Variants in ATP13A3 observed in about 807,000 individuals in gnomAD.
The protein encoded by ATP13A3 is polyamine-transporting ATPase 13A3.
ATP13A3 carries 59 observed loss-of-function variants against 158.1 expected under a neutral mutation model. The ratio of observed to expected loss-of-function variants is 0.37; its 90% CI spans 0.30 to 0.46. The LOEUF (loss-of-function observed/expected upper bound fraction) is 0.46. Among genes scored for constraint, ATP13A3 ranks in the 20% least tolerant of loss-of-function variants. ATP13A3 has a pLI of 1.00. For synonymous variants in ATP13A3, 491 were observed against 504.3 expected, an observed-to-expected ratio of 0.97 and a Z score of 0.35; for missense variants, 1,166 against 1,525.2, an observed-to-expected ratio of 0.76 and a Z score of 3.92.
chr3:194,430,046 A>T, intron 26 of ATP13A3, 26 bp downstream of exon 26: 1 of 1,568,470 alleles, frequency 6.4e-7, no homozygotes, highest in Non-Finnish European at 8.7e-7. Flanking sequence ...AGAAAAAGGG[A>T]TGAGAAAAAT....
At chr3:194,466,469 G>A (rs1367498878) in intron 2 of ATP13A3, among the ~76,000 whole-genome samples, 4 of 152,126 alleles carry the variant, frequency 2.6e-5, no homozygotes, top group Non-Finnish European at 5.9e-5. Context: ...TAAGCAACTT[G>A]ACACTGATAC....
rs750446658 is a variant in ATP13A3, at chr3:194,450,162, T to C, written c.953A>G (p.Asn318Ser). The C allele has an allele frequency of 4.3e-6, 7 of 1,613,756 alleles. No individual in the cohort carries two copies. The African/African-American group carries it at 8.0e-5, about 18-fold the overall frequency. The change falls in exon 11 of 34, where the codon AAC becomes AGC. Residue 318 changes from asparagine (N) to serine (S), a missense_variant. Physicochemically the swap from Asn to Ser is conservative, Grantham distance 46. This residue lies in a region of ATP13A3 where 997 missense variants were observed against 1,341.2 expected (regional missense o/e 0.74). Coordinates refer to ENST00000645319, the MANE Select transcript of ATP13A3 (RefSeq NM_001367549.1). ...TAGCTTACCTGTTAACATGCTTTCG[T>C]TTACAATGCAGGTACCATTAATAAG... is the stretch of plus-strand genomic sequence containing the variant. Reference protein sequence around the residue: ...AVLINGTCIVNESMLTGESVP... With the variant: ...AVLINGTCIVSESMLTGESVP...
intron 2 of ATP13A3, among the ~76,000 whole-genome samples, chr3:194,467,036 G>T (rs923535520): frequency 6.6e-6 from 1 of 152,124 alleles, no homozygotes; most frequent in Non-Finnish European, 1.5e-5. Flanking sequence ...GTTGGTTTTT[G>T]AATCTTACTC....
intron 2 of ATP13A3, among the ~76,000 whole-genome samples, chr3:194,480,761 G>A (rs912110099): frequency 6.6e-6 from 1 of 152,104 alleles, no homozygotes; most frequent in African/African-American, 2.4e-5. Context: ...TACACTCTGG[G>A]GGGAAGCAAC....
In ATP13A3 at chr3:194,405,947, C is replaced by T. The variant is rs1229332011; in HGVS notation, c.3743G>A (p.Gly1248Glu). 6.2e-7 allele frequency: 1 copy of T among 1,614,004 alleles called. No individual in the cohort carries two copies. The highest frequency in any genetic ancestry group is 2.2e-5 in the East Asian group (1 of 44,868). Reference protein sequence around the residue: ...TEAKALVKENGSCQIITIT With the variant: ...TEAKALVKENESCQIITIT ...TGTTATGGTGATGATTTGACATGAT[C>T]CATTCTCCTTAACTAAAGCTTTAGC... Residue 1248 changes from glycine to glutamate, a missense_variant, in exon 34 of 34, where the codon GGA becomes GAA. Physicochemically the swap from Gly to Glu is moderately conservative, Grantham distance 98. Transcript: ENST00000645319.
In ATP13A3 at chr3:194,494,249, C is replaced by T; in HGVS notation, n.547G>A. On this transcript the variant is annotated non_coding_transcript_exon_variant, in exon 2 of 33. Transcript: ENST00000687055. This position sits in a 1 kb window ranked among gnomAD's most constrained non-coding sequence, Gnocchi z 4.2. The stretch of plus-strand genomic sequence containing the variant: ...TCAGCCACATCTGGATCCTCAGCCC[C>T]TCACAGCACACAGCGGTAGTCAGAA... 2.5e-6 allele frequency: 1 copy of T among 398,670 alleles called. No homozygotes were observed. The highest frequency in any genetic ancestry group is 4.4e-6 in the Non-Finnish European group (1 of 226,114). The allele number at this position is 398,670 out of a possible 1,614,324, so 24.7% of individuals were successfully genotyped here. A position where few individuals can be genotyped will look rare whatever the true frequency, so the allele number is the denominator to read the frequency against.
At chr3:194,407,432 CA>C (rs1715015596) in intron 33 of ATP13A3, among the ~76,000 whole-genome samples, 1 of 152,092 alleles carries the variant, frequency 6.6e-6, no homozygotes, top group African/African-American at 2.4e-5. Flanking sequence ...TGGAGAAGAG[CA>C]AAAATACTTT....
chr3:194,442,516 G>A (rs1019843885), intron 15 of ATP13A3, among the ~76,000 whole-genome samples: 19 of 152,114 alleles, frequency 1.2e-4, no homozygotes, highest in Admixed American at 6.6e-5. Context: ...TGCAAAAAGG[G>A]CATTTTAAAA....
chr3:194,478,959 C>T (rs1335654437), intron 2 of ATP13A3, among the ~76,000 whole-genome samples: 1 of 152,052 alleles, frequency 6.6e-6, no homozygotes, highest in African/African-American at 2.4e-5. Context: ...ACCAAGAGGC[C>T]CTAACCAAGC....
At chr3:194,425,276 T>A (rs1395643194) in intron 30 of ATP13A3, 66 bp downstream of exon 30, 3 of 1,376,292 alleles carry the variant, frequency 2.2e-6, no homozygotes, top group South Asian at 1.3e-5. Context: ...CAGTTATAAT[T>A]ATTCTCTTCT....
In ATP13A3 at chr3:194,412,185, T is replaced by C. The variant is rs1715488302; in HGVS notation, c.3573+14A>G. 1 of 1,532,886 alleles carries C rather than the reference T, an allele frequency of 6.5e-7. No individual in the cohort carries two copies. Among genetic ancestry groups the C allele is most frequent in the Non-Finnish European group, 8.7e-7 (1 of 1,144,152 alleles). 95.0% of individuals were successfully genotyped at this position (1,532,886 alleles called of 1,614,324 possible). ...AGAGGCAGCAAGAATTGACAGGAAGTGCTGAGTTCCAACCTGCGGTGGCTG... is the reference window on the plus strand; with the variant it reads ...AGAGGCAGCAAGAATTGACAGGAAGCGCTGAGTTCCAACCTGCGGTGGCTG... On this transcript the variant is annotated intron_variant, in intron 33 of 33. Transcript: ENST00000645319.
chr3:194,453,280 T>TAAAA (rs35230118), intron 10 of ATP13A3, among the ~76,000 whole-genome samples: 42 of 100,952 alleles, frequency 4.2e-4, no homozygotes, highest in African/African-American at 1.5e-3. Flanking sequence ...ACATCGACTT[T>TAAAA]AAAAAAAAAA....
intron 30 of ATP13A3, among the ~76,000 whole-genome samples, chr3:194,422,260 C>T (rs1002149381): frequency 2.6e-5 from 4 of 152,272 alleles, no homozygotes; most frequent in Non-Finnish European, 5.9e-5. Context: ...ATTAGGTATT[C>T]ACTTTAGAGA....
chr3:194,463,718 A>T (rs182193365), intron 2 of ATP13A3, among the ~76,000 whole-genome samples: 23 of 152,360 alleles, frequency 1.5e-4, no homozygotes, highest in Admixed American at 9.8e-4. Context: ...GACCTGATTT[A>T]AAAAATGTGC....
At position 194,460,806 on chromosome 3, in the gene ATP13A3, C is replaced by A. The variant is rs375946103; in HGVS notation, c.77G>T (p.Arg26Leu). 1 of 1,613,916 alleles carries A rather than the reference C, an allele frequency of 6.2e-7. No homozygotes were observed. Among genetic ancestry groups the A allele is most frequent in the Non-Finnish European group, 8.5e-7 (1 of 1,179,892 alleles). Residue 26 changes from arginine (R) to leucine (L), a missense_variant, in exon 4 of 34, where the codon CGC becomes CTC. By Grantham distance (102) the Arg-to-Leu change is moderately radical. Transcript: ENST00000645319. ...EMEIYGYNLS[R>L]WKLAIVSLGV... ...TAAAGAAACTATGGCAAGCTTCCAG[C>A]GACTCAAATTGTAACCATAAATCTC...
At chr3:194,460,542 T>A (rs1411033682) in intron 4 of ATP13A3, 116 bp downstream of exon 4, 15 of 1,029,398 alleles carry the variant, frequency 1.5e-5, no homozygotes, top group Admixed American at 2.4e-5. Flanking sequence ...AGAATTAGCA[T>A]TCCTCATTTT....
At chr3:194,412,367 C>T (rs1560068416) in intron 32 of ATP13A3, 79 bp from the exon 33 acceptor site, 1 of 1,056,072 alleles carries the variant, frequency 9.5e-7, no homozygotes. Context: ...TAAAAAATCA[C>T]ACATGCTGCA....
upstream of ATP13A3, among the ~76,000 whole-genome samples, chr3:194,489,190 A>G (rs2109094791): frequency 6.6e-6 from 1 of 152,356 alleles, no homozygotes; most frequent in South Asian, 2.1e-4. The surrounding 1 kb of genome is among the most constrained non-coding windows in gnomAD (Gnocchi z 4.1). Flanking sequence ...CATGCCTGTA[A>G]TCCCAGCACT....
At chr3:194,478,490 G>T (rs1720618795) in intron 2 of ATP13A3, among the ~76,000 whole-genome samples, 1 of 151,974 alleles carries the variant, frequency 6.6e-6, no homozygotes, top group Non-Finnish European at 1.5e-5. Flanking sequence ...CCCAAGCAGG[G>T]GAACTGCCAC....
Sources: allele counts gnomAD v4.1 joint callset (sites outside exome capture counted in the v4.1 genomes callset), GRCh38; gene constraint gnomAD v4.1.1; regional missense constraint gnomAD v4.1.1; non-coding constraint Gnocchi (gnomAD v3.1); transcripts MANE v1.5; gene names NCBI Gene and HGNC (gene_info 2026-07-23, HGNC 2026-07-21).